MYT1L: variants seen among roughly 807,000 people sequenced by gnomAD.
The protein encoded by MYT1L is myelin transcription factor 1-like protein.
In MYT1L, 12 loss-of-function variants were observed where a neutral mutation model predicts 126.7. The observed-to-expected ratio is 0.09, with a 90% CI of 0.06 to 0.15. The LOEUF (loss-of-function observed/expected upper bound fraction) is 0.15, where lower values mean the gene tolerates loss of function less well. Among genes scored for constraint, MYT1L ranks in the 10% least tolerant of loss-of-function variants. The pLI, the probability that MYT1L is intolerant of heterozygous loss-of-function variation, is 1.00. For missense variants in MYT1L, 979 were observed against 1,585.2 expected (o/e 0.62, Z 6.49); for synonymous variants, 541 against 604.2 (o/e 0.90, Z 1.53).
intron 18 of MYT1L, among the ~76,000 whole-genome samples, chr2:1,879,624 A>G (rs918701722): frequency 1.6e-4 from 25 of 152,204 alleles, no homozygotes; most frequent in Non-Finnish European, 3.1e-4. Context: ...GTGTGTGTGC[A>G]AAGTAATAAT....
At chr2:2,239,752 C>A (rs942675605) in intron 2 of MYT1L, among the ~76,000 whole-genome samples, 4 of 152,150 alleles carry the variant, frequency 2.6e-5, no homozygotes, top group Non-Finnish European at 5.9e-5. Flanking sequence ...TAAAAATAAA[C>A]AACAGGCAAC....
intron 8 of MYT1L, among the ~76,000 whole-genome samples, chr2:1,964,213 A>T (rs1285230384): frequency 6.6e-6 from 1 of 152,228 alleles, no homozygotes. Flanking sequence ...TGGAACACAC[A>T]GCATTTACGG....
At chr2:1,963,231 A>G (rs774791361) in intron 8 of MYT1L, among the ~76,000 whole-genome samples, 2 of 152,242 alleles carry the variant, frequency 1.3e-5, no homozygotes, top group Non-Finnish European at 2.9e-5. Context: ...AAGAAATGAA[A>G]GAAAATTTTT....
In MYT1L at chr2:1,923,145, G is replaced by A. The variant is rs561075867; in HGVS notation, c.624C>T (p.Leu208=). The A allele has an allele frequency of 1.2e-5, 20 of 1,613,912 alleles. No homozygotes were observed. Among genetic ancestry groups the A allele is most frequent in the African/African-American group, 4.0e-5 (3 of 74,930 alleles). Residue 208 remains leucine (L), a synonymous_variant, in exon 10 of 25, where the codon CTC becomes CTT. Coordinates refer to ENST00000647738, the MANE Select transcript of MYT1L (RefSeq NM_001303052.2). ...DELVAKSLLN[L]GKIAEDAAYR... ...AGGCTGCATCCTCAGCGATTTTGCCGAGGTTTAACAATGACTTGGCCACCA... is the reference window on the plus strand; with the variant it reads ...AGGCTGCATCCTCAGCGATTTTGCCAAGGTTTAACAATGACTTGGCCACCA...
At chr2:1,973,326 T>C (rs1329516415) in intron 8 of MYT1L, among the ~76,000 whole-genome samples, 1 of 152,236 alleles carries the variant, frequency 6.6e-6, no homozygotes, top group Non-Finnish European at 1.5e-5. Flanking sequence ...CTATTTCTAA[T>C]TTTTATTGGG....
chr2:1,846,192 G>GC (rs1225807348), intron 19 of MYT1L, among the ~76,000 whole-genome samples: 2 of 152,222 alleles, frequency 1.3e-5, no homozygotes, highest in African/African-American at 2.4e-5. Flanking sequence ...GCGTGAGAGT[G>GC]CGCCAGGCTG....
chr2:2,003,847 C>T (rs1231491905), intron 4 of MYT1L, among the ~76,000 whole-genome samples: 2 of 152,170 alleles, frequency 1.3e-5, no homozygotes, highest in Non-Finnish European at 2.9e-5. Flanking sequence ...TTCAGGCACC[C>T]TCACTCCACT....
chr2:2,263,251 T>C (rs1445696971), intron 2 of MYT1L, among the ~76,000 whole-genome samples: 1 of 151,810 alleles, frequency 6.6e-6, no homozygotes, highest in Non-Finnish European at 1.5e-5. Context: ...TTATAATCAC[T>C]TTGAAAATGG....
At chr2:2,212,716 G>A (rs763546457) in intron 2 of MYT1L, among the ~76,000 whole-genome samples, 6 of 152,002 alleles carry the variant, frequency 3.9e-5, no homozygotes, top group Non-Finnish European at 5.9e-5. Flanking sequence ...CTCTAGTATC[G>A]TGTAGTTTGT....
chr2:2,173,788 T>C (rs943370039), intron 2 of MYT1L, among the ~76,000 whole-genome samples: 8 of 152,206 alleles, frequency 5.3e-5, no homozygotes, highest in African/African-American at 9.7e-5. Context: ...CAAGTGTTAA[T>C]GGGCCTCAGT....
At chr2:2,296,643 A>G (rs2095698387) in intron 1 of MYT1L, among the ~76,000 whole-genome samples, 1 of 151,928 alleles carries the variant, frequency 6.6e-6, no homozygotes, top group Admixed American at 6.6e-5. Context: ...GGCGTGTGGG[A>G]CTCTGTCTGT....
intron 3 of MYT1L, among the ~76,000 whole-genome samples, chr2:2,060,155 A>G (rs942409986): frequency 1.3e-5 from 2 of 152,190 alleles, no homozygotes; most frequent in African/African-American, 4.8e-5. Context: ...GCAAGGAAGG[A>G]CTGCAGCTTC....
chr2:2,224,961 G>C lies in MYT1L; in HGVS notation c.-420-51973C>G, dbSNP rs755522430. Among the ~76,000 whole-genome samples the C allele has an allele frequency of 7.9e-4, 120 of 152,138 alleles. 2 individuals carry two copies. The highest frequency in any genetic ancestry group is 1.9e-4 in the Non-Finnish European group (13 of 68,032). On this transcript the variant is annotated intron_variant, in intron 2 of 24. Transcript: ENST00000647738. The surrounding 1 kb of genome is among the most constrained non-coding windows in gnomAD (Gnocchi z 4.0). ...GTTTGCTGGGCTCCACGCTGGGTTT[G>C]AGGTTCTGTCACCGTCTTGGAAACT... is the stretch of plus-strand genomic sequence containing the variant.
intron 8 of MYT1L, among the ~76,000 whole-genome samples, chr2:1,950,740 G>T (rs1034037237): frequency 2.0e-5 from 3 of 152,196 alleles, no homozygotes; most frequent in Non-Finnish European, 4.4e-5. Flanking sequence ...GGCAGTCAGG[G>T]CCTCCCAGGT....
At chr2:2,024,070 C>T (rs903785713) in intron 4 of MYT1L, among the ~76,000 whole-genome samples, 1 of 152,116 alleles carries the variant, frequency 6.6e-6, no homozygotes, top group Non-Finnish European at 1.5e-5. Context: ...AAAACAAATG[C>T]CAATTTCAAA....
Position 2,028,567 on chromosome 2 carries a change from A to AT in MYT1L, c.-158+25410dup, listed in dbSNP as rs1269027717. Among the ~76,000 whole-genome samples the AT allele has an allele frequency of 2.6e-5, 4 of 152,314 alleles. No homozygotes were observed. In the East Asian group the frequency reaches 7.7e-4, roughly 29 times the overall value. ...ACTTGAAAGGAGAATTTTAGAGGAA[A>AT]TTAAAAAAAATGAAGTAATATTTTG... On this transcript the variant is annotated intron_variant, in intron 4 of 24. Transcript: ENST00000647738.
intron 4 of MYT1L, among the ~76,000 whole-genome samples, chr2:2,033,868 C>T (rs866326262): frequency 1.3e-5 from 2 of 152,134 alleles, no homozygotes; most frequent in East Asian, 1.9e-4. Flanking sequence ...GGTGGGGCTG[C>T]GATGCCACAT....
chr2:2,233,092 G>GCAGGT (rs1449432282), intron 2 of MYT1L, among the ~76,000 whole-genome samples: 1 of 152,172 alleles, frequency 6.6e-6, no homozygotes. Context: ...CCTGAAGGTA[G>GCAGGT]CAGGTGCTCA....
At chr2:1,885,614 G>A (rs1335298410) in intron 18 of MYT1L, 1 of 152,598 alleles carries the variant, frequency 6.6e-6, no homozygotes, top group Non-Finnish European at 1.5e-5. Flanking sequence ...TCAAATGTGG[G>A]TTGAAAAGCA....
Sources: allele counts gnomAD v4.1 joint callset (sites outside exome capture counted in the v4.1 genomes callset), GRCh38; gene constraint gnomAD v4.1.1; non-coding constraint Gnocchi (gnomAD v3.1); transcripts MANE v1.5; gene names NCBI Gene and HGNC (gene_info 2026-07-23, HGNC 2026-07-21).